Variants in PDE10A observed in about 807,000 individuals in gnomAD.
The protein encoded by PDE10A is cAMP and cAMP-inhibited cGMP 3',5'-cyclic phosphodiesterase 10A.
Under a neutral mutation model 97.7 loss-of-function variants are expected in PDE10A, and 39 were observed. That is an observed-to-expected ratio of 0.40 (90% CI 0.31 to 0.52). The LOEUF (loss-of-function observed/expected upper bound fraction) is 0.52, where lower values mean the gene tolerates loss of function less well. Ranked by LOEUF, PDE10A falls within the 20% of genes least tolerant of loss-of-function variation. The probability of loss-of-function intolerance (pLI) is 0.56; values close to 1 mark genes in which losing one functional copy is unlikely to be tolerated. For synonymous variants in PDE10A, 371 were observed against 376.8 expected (o/e 0.98, Z 0.18); for missense variants, 731 against 1,047.8 (o/e 0.70, Z 4.17).
At chr6:165,333,361 C>T (rs1421971819) in intron 21 of PDE10A, among the ~76,000 whole-genome samples, 2 of 152,036 alleles carry the variant, frequency 1.3e-5, no homozygotes, top group African/African-American at 4.8e-5. Flanking sequence ...CTCTGGACCG[C>T]GAAAGCAGCA....
chr6:165,630,096 C>T (rs1366101930), intron 1 of PDE10A, among the ~76,000 whole-genome samples: 1 of 152,046 alleles, frequency 6.6e-6, no homozygotes, highest in African/African-American at 2.4e-5. Context: ...GCCTGTAATC[C>T]CAGCACTTTG....
At position 165,433,136 on chromosome 6, in the gene PDE10A, A is replaced by AACAAAAAG; in HGVS notation, c.1336-15_1336-8dup. 1 of 1,601,970 alleles carries AACAAAAAG rather than the reference A, an allele frequency of 6.2e-7. No individual in the cohort carries two copies. The highest frequency in any genetic ancestry group is 8.5e-7 in the Non-Finnish European group (1 of 1,172,678). On this transcript the variant is annotated splice_region_variant and splice_polypyrimidine_tract_variant and intron_variant, in intron 6 of 21. Transcript: ENST00000539869. ...CTCTTGGAAATCGTTCATCCTGAAA[A>AACAAAAAG]ACAAAAAGACAAAAAGACATAAATT...
chr6:165,540,536 T>C (rs560250416), intron 2 of PDE10A, among the ~76,000 whole-genome samples: 3 of 152,304 alleles, frequency 2.0e-5, no homozygotes, highest in South Asian at 2.1e-4. Flanking sequence ...CTCATGGAAA[T>C]GAAAACACTC....
At chr6:165,765,081 C>T (rs1256873627) in intron 1 of PDE10A, among the ~76,000 whole-genome samples, 1 of 152,216 alleles carries the variant, frequency 6.6e-6, no homozygotes, top group Non-Finnish European at 1.5e-5. Context: ...TTCACAAACC[C>T]TGAGCTAGAC....
chr6:165,373,014 C>G (rs985911532), intron 18 of PDE10A, among the ~76,000 whole-genome samples: 2 of 145,472 alleles, frequency 1.4e-5, no homozygotes, highest in Non-Finnish European at 3.0e-5. Flanking sequence ...GCTGGGAAAA[C>G]TGGCTAGCCA....
At chr6:165,738,707 A>T (rs1276532431) in intron 1 of PDE10A, among the ~76,000 whole-genome samples, 4 of 151,976 alleles carry the variant, frequency 2.6e-5, no homozygotes, top group Non-Finnish European at 4.4e-5. Context: ...TTGCCATTCT[A>T]ACTGGTGTGA....
chr6:165,527,679 G>A (rs1213480551), intron 2 of PDE10A, among the ~76,000 whole-genome samples: 1 of 152,204 alleles, frequency 6.6e-6, no homozygotes, highest in Non-Finnish European at 1.5e-5. Context: ...ATGCACAGCA[G>A]CATTCTATCA....
chr6:165,618,929 G>A (rs531345259), intron 1 of PDE10A, among the ~76,000 whole-genome samples: 3 of 144,828 alleles, frequency 2.1e-5, no homozygotes, highest in Admixed American at 6.8e-5. Context: ...AGAGAAGCGT[G>A]TAGTCTAGTG....
In PDE10A at chr6:165,343,372, A is replaced by G. The variant is rs746720207; in HGVS notation, c.2895+19T>C. 18 of 1,469,804 alleles carry G rather than the reference A, an allele frequency of 1.2e-5. No homozygotes were observed. Among genetic ancestry groups the G allele is most frequent in the Non-Finnish European group, 1.5e-5 (16 of 1,048,520 alleles). 91.0% of individuals were successfully genotyped at this position (1,469,804 alleles called of 1,614,324 possible). A position where few individuals can be genotyped will look rare whatever the true frequency, so the allele number is the denominator to read the frequency against. On this transcript the variant is annotated intron_variant, in intron 19 of 21. Transcript: ENST00000539869. Reference sequence around the variant, plus strand: ...ATTTCTCCTCACTATCTATGTCAATATAAGAATCAAGGACATACCTCAGCC... The same window carrying G: ...ATTTCTCCTCACTATCTATGTCAATGTAAGAATCAAGGACATACCTCAGCC...
chr6:165,383,437 A>G (rs1203627446), intron 17 of PDE10A, among the ~76,000 whole-genome samples: 1 of 152,168 alleles, frequency 6.6e-6, no homozygotes, highest in Non-Finnish European at 1.5e-5. Flanking sequence ...GTGACTGTCC[A>G]CACAAAACAG....
intron 1 of PDE10A, among the ~76,000 whole-genome samples, chr6:165,893,823 C>CA (rs1781867117): frequency 8.7e-6 from 1 of 115,030 alleles, no homozygotes; most frequent in South Asian, 3.3e-4. Context: ...ACATTAGTGC[C>CA]ATTTTTTTTT....
intron 1 of PDE10A, among the ~76,000 whole-genome samples, chr6:165,600,522 C>T (rs762321312): frequency 1.6e-4 from 25 of 152,218 alleles, no homozygotes; most frequent in Non-Finnish European, 2.5e-4. Flanking sequence ...TGTCCTTTCA[C>T]GTCCAGGGTA....
intron 1 of PDE10A, among the ~76,000 whole-genome samples, chr6:165,563,224 AAGAG>A (rs1165766801): frequency 7.2e-6 from 1 of 139,250 alleles, no homozygotes; most frequent in Non-Finnish European, 1.6e-5. Context: ...AGAAAAAAGA[AAGAG>A]AGGAAGGGGG....
intron 1 of PDE10A, among the ~76,000 whole-genome samples, chr6:165,809,913 C>T (rs1294189486): frequency 6.6e-6 from 1 of 152,142 alleles, no homozygotes; most frequent in Non-Finnish European, 1.5e-5. Flanking sequence ...ACCCCAAAGC[C>T]CAGACCTGAC....
chr6:165,656,419 C>T (rs75691229), intron 1 of PDE10A, among the ~76,000 whole-genome samples: 7,065 of 151,584 alleles, frequency 0.047, 380 homozygotes, highest in African/African-American at 0.13. Context: ...TGTGCATGGC[C>T]CCATCTCTGG....
intron 1 of PDE10A, among the ~76,000 whole-genome samples, chr6:165,566,767 T>G (rs1032500248): frequency 2.6e-5 from 4 of 152,002 alleles, no homozygotes; most frequent in Admixed American, 6.5e-5. Context: ...AATCATATTT[T>G]TAAAAAGGAA....
intron 2 of PDE10A, among the ~76,000 whole-genome samples, chr6:165,528,547 C>T (rs1782584403): frequency 6.6e-6 from 1 of 152,198 alleles, no homozygotes; most frequent in African/African-American, 2.4e-5. Flanking sequence ...ATGGAAAGGG[C>T]AGAGGTTTGT....
intron 1 of PDE10A, among the ~76,000 whole-genome samples, chr6:165,911,646 CTGACA>C (rs1373028028): frequency 6.6e-5 from 10 of 152,234 alleles, no homozygotes; most frequent in Non-Finnish European, 1.5e-4. Flanking sequence ...CTTCCATTCC[CTGACA>C]TCAGCATTTC....
intron 1 of PDE10A, among the ~76,000 whole-genome samples, chr6:165,955,368 G>T (rs1784104644): frequency 1.3e-5 from 2 of 152,134 alleles, no homozygotes; most frequent in Non-Finnish European, 2.9e-5. Flanking sequence ...CAGTCTCCCT[G>T]TATTCAGTGT....
Sources: gnomAD v4.1 joint callset for allele counts (sites outside exome capture counted in the v4.1 genomes callset) on GRCh38, gnomAD v4.1.1 for gene constraint, MANE v1.5 for transcripts, NCBI Gene and HGNC (gene_info 2026-07-23, HGNC 2026-07-21) for gene names.